Variants in AFG2A observed in about 807,000 individuals in gnomAD.
AFG2A encodes ATPase family gene 2 protein homolog A.
At chr4:123,021,423 A>G in the AFG2A span, among the ~76,000 whole-genome samples, 2 of 152,174 alleles carry the variant, frequency 1.3e-5, no homozygotes, top group Non-Finnish European at 2.9e-5. Context: ...ATAGAACTTC[A>G]GTTACTGTGT....
the AFG2A span, chr4:123,056,562 T>A: frequency 1.2e-4 from 70 of 608,086 alleles, no homozygotes; most frequent in Admixed American, 8.0e-5. Context: ...TAGTGGTATT[T>A]TTTTTTCTTC....
At chr4:123,316,840 CAAGAA>C in the AFG2A span, 1 of 152,298 alleles carries the variant, frequency 6.6e-6, no homozygotes, top group South Asian at 2.1e-4. Flanking sequence ...CAAGGGTAGA[CAAGAA>C]AAGAAAAATC....
chr4:123,051,452 C>G, the AFG2A span, among the ~76,000 whole-genome samples: 2 of 151,902 alleles, frequency 1.3e-5, no homozygotes, highest in Non-Finnish European at 2.9e-5. Context: ...TATATTGCCT[C>G]TTAACAAATT....
chr4:123,259,145 G>C, the AFG2A span, among the ~76,000 whole-genome samples: 38 of 152,280 alleles, frequency 2.5e-4, no homozygotes, highest in African/African-American at 5.5e-4. Context: ...GGGATTACAG[G>C]CATGAGCCTC....
the AFG2A span, among the ~76,000 whole-genome samples, chr4:123,177,287 G>A: frequency 2.0e-5 from 3 of 150,636 alleles, no homozygotes; most frequent in African/African-American, 7.3e-5. Flanking sequence ...CCGCCTCCCA[G>A]GTTCAAGCAA....
the AFG2A span, among the ~76,000 whole-genome samples, chr4:123,193,566 T>G: frequency 6.6e-6 from 1 of 152,212 alleles, no homozygotes; most frequent in Non-Finnish European, 1.5e-5. Context: ...AATAAATGAT[T>G]TAACATTTTA....
the AFG2A span, among the ~76,000 whole-genome samples, chr4:123,100,471 G>C: frequency 0.91 from 137,940 of 151,918 alleles, 62,861 homozygotes; most frequent in East Asian, 0.98. Context: ...ATATGCCATT[G>C]TTTTTCCGTC....
At chr4:123,043,098 T>G in the AFG2A span, among the ~76,000 whole-genome samples, 1 of 152,232 alleles carries the variant, frequency 6.6e-6, no homozygotes, top group Non-Finnish European at 1.5e-5. Flanking sequence ...AGCTTCTGTT[T>G]GTCTGATAAT....
At chr4:123,087,372 G>T in the AFG2A span, among the ~76,000 whole-genome samples, 1 of 152,182 alleles carries the variant, frequency 6.6e-6, no homozygotes, top group Non-Finnish European at 1.5e-5. Flanking sequence ...GGAAAGGCTA[G>T]AGAGGGCTGA....
chr4:123,006,398 C>T, the AFG2A span, among the ~76,000 whole-genome samples: 9 of 151,586 alleles, frequency 5.9e-5, no homozygotes, highest in African/African-American at 1.5e-4. Flanking sequence ...CTTGTGCTTT[C>T]GGTTTATTCA....
chr4:122,938,368 A>G, the AFG2A span: 1 of 1,150,058 alleles, frequency 8.7e-7, no homozygotes. Flanking sequence ...GAAAAATATT[A>G]GCCATAGCAA....
the AFG2A span, among the ~76,000 whole-genome samples, chr4:123,295,030 T>G: frequency 2.0e-5 from 3 of 152,216 alleles, no homozygotes; most frequent in African/African-American, 7.2e-5. Flanking sequence ...TTCTGACACT[T>G]TAGAAGCAGT....
At chr4:122,923,987 T>C in the AFG2A span, among the ~76,000 whole-genome samples, 1 of 152,256 alleles carries the variant, frequency 6.6e-6, no homozygotes. Context: ...GTATTTATAC[T>C]GAAAAGTCTT....
chr4:123,136,074 G>C, the AFG2A span, among the ~76,000 whole-genome samples: 18 of 152,188 alleles, frequency 1.2e-4, no homozygotes, highest in African/African-American at 4.3e-4. Context: ...AAATTTTTCA[G>C]TAACTCAGTG....
chr4:123,176,940 A>G, the AFG2A span, among the ~76,000 whole-genome samples: 1 of 152,182 alleles, frequency 6.6e-6, no homozygotes, highest in African/African-American at 2.4e-5. Context: ...TAATGATAGC[A>G]TGTTGATGCT....
At chr4:123,246,279 T>A in the AFG2A span, among the ~76,000 whole-genome samples, 85,038 of 152,056 alleles carry the variant, frequency 0.56, 26,276 homozygotes, top group Non-Finnish European at 0.67. Context: ...CCTGTTCAGG[T>A]TCACTGCCTC....
chr4:123,293,043 T>A, the AFG2A span, among the ~76,000 whole-genome samples: 1 of 152,194 alleles, frequency 6.6e-6, no homozygotes, highest in Non-Finnish European at 1.5e-5. Context: ...TGCCTCCCTG[T>A]CACACTCATG....
the AFG2A span, among the ~76,000 whole-genome samples, chr4:123,119,554 C>T: frequency 3.3e-5 from 5 of 152,086 alleles, no homozygotes; most frequent in Admixed American, 6.5e-5. Context: ...CCATCTTTTT[C>T]CCTCATTTTG....
the AFG2A span, among the ~76,000 whole-genome samples, chr4:122,961,068 G>A: frequency 6.6e-6 from 1 of 152,132 alleles, no homozygotes; most frequent in African/African-American, 2.4e-5. Flanking sequence ...TAAACATTGA[G>A]CAAGCTATTC....
Sources: allele counts gnomAD v4.1 joint callset (sites outside exome capture counted in the v4.1 genomes callset), GRCh38; gene constraint gnomAD v4.1.1; transcripts MANE v1.5; gene names NCBI Gene and HGNC (gene_info 2026-07-23, HGNC 2026-07-21).